Variants in LIN7A observed in about 807,000 individuals in gnomAD.
LIN7A encodes the protein lin-7 cell polarity scaffold A.
LIN7A carries 25 observed loss-of-function variants against 29.8 expected under a neutral mutation model. The observed-to-expected ratio is 0.84, with a 90% confidence interval of 0.61 to 1.17. LIN7A has a LOEUF of 1.17. Among genes scored for constraint, LIN7A ranks in the 50% most tolerant of loss-of-function variants. The probability of loss-of-function intolerance (pLI) is 0.00; values close to 1 mark genes in which losing one functional copy is unlikely to be tolerated. For synonymous variants in LIN7A, 118 were observed against 107.5 expected (o/e 1.10, Z -0.60); for missense variants, 239 against 287.0 (o/e 0.83, Z 1.21).
At chr12:80,838,867 G>C (rs1872691561) in intron 4 of LIN7A, among the ~76,000 whole-genome samples, 1 of 152,186 alleles carries the variant, frequency 6.6e-6, no homozygotes, top group Admixed American at 6.5e-5. Context: ...AGTGGCTTTA[G>C]AGAGTGCTTG....
chr12:80,928,454 A>G (rs1251461124), intron 1 of LIN7A, among the ~76,000 whole-genome samples: 1 of 152,166 alleles, frequency 6.6e-6, no homozygotes, highest in Non-Finnish European at 1.5e-5. Flanking sequence ...TCTGATGACC[A>G]GTGATGACAT....
At chr12:80,884,091 A>G (rs935929884) in intron 2 of LIN7A, among the ~76,000 whole-genome samples, 2 of 152,226 alleles carry the variant, frequency 1.3e-5, no homozygotes, top group Non-Finnish European at 1.5e-5. Context: ...AGCAAATAAA[A>G]TTTGTGACCT....
intron 4 of LIN7A, among the ~76,000 whole-genome samples, chr12:80,836,958 A>C (rs1872612698): frequency 6.6e-6 from 1 of 151,842 alleles, no homozygotes; most frequent in Non-Finnish European, 1.5e-5. Flanking sequence ...TTCTCATCAA[A>C]GACCAGGCAA....
intron 1 of LIN7A, among the ~76,000 whole-genome samples, chr12:80,893,264 C>A (rs1477915851): frequency 6.6e-6 from 1 of 152,132 alleles, no homozygotes; most frequent in Admixed American, 6.5e-5. Context: ...GCAATTAGTG[C>A]TAAGGCGGTC....
intron 2 of LIN7A, among the ~76,000 whole-genome samples, chr12:80,870,273 A>G (rs1224294622): frequency 6.6e-6 from 1 of 152,226 alleles, no homozygotes; most frequent in Non-Finnish European, 1.5e-5. Context: ...AGGGAATTTA[A>G]TAATAAATAT....
chr12:80,879,642 G>GC (rs1019498694), intron 2 of LIN7A, among the ~76,000 whole-genome samples: 8 of 38,352 alleles, frequency 2.1e-4, no homozygotes, highest in Admixed American at 1.4e-3. Flanking sequence ...CTATGGAGCA[G>GC]CCCAAAAAAA....
At chr12:80,842,225 T>C (rs955589608) in intron 4 of LIN7A, 2 of 806,364 alleles carry the variant, frequency 2.5e-6, no homozygotes, top group African/African-American at 1.8e-5. Flanking sequence ...AACCTAACAT[T>C]CCATGTTAAT....
chr12:80,822,675 G>T (rs529347421), intron 4 of LIN7A, among the ~76,000 whole-genome samples: 15 of 152,022 alleles, frequency 9.9e-5, no homozygotes, highest in Admixed American at 2.0e-4. Context: ...TTCAAGATGA[G>T]ATTTGGGTGG....
chr12:80,876,896 C>T (rs912875857), intron 2 of LIN7A, among the ~76,000 whole-genome samples: 5 of 151,722 alleles, frequency 3.3e-5, no homozygotes, highest in East Asian at 1.9e-4. Flanking sequence ...CCGAGGCGGG[C>T]GGATTACCTG....
intron 1 of LIN7A, among the ~76,000 whole-genome samples, chr12:80,906,986 T>G (rs1057040456): frequency 1.3e-5 from 2 of 151,512 alleles, no homozygotes; most frequent in Non-Finnish European, 2.9e-5. Context: ...TTTCAGACAA[T>G]TCAACCAACC....
At position 80,841,474 on chromosome 12, in the gene LIN7A, A is replaced by G. The variant is rs565328339; in HGVS notation, c.483+4256T>C. On this transcript the variant is annotated intron_variant, in intron 4 of 5. Coordinates refer to ENST00000552864, the MANE Select transcript of LIN7A (RefSeq NM_004664.4). Reference sequence around the variant, plus strand: ...AATCTCTTTCTGTGTTCTATACAAGATATTTATATCAGAGCCCCTACAATC... The same window carrying G: ...AATCTCTTTCTGTGTTCTATACAAGGTATTTATATCAGAGCCCCTACAATC... Among the ~76,000 whole-genome samples the G allele has an allele frequency of 3.9e-5, 6 of 152,156 alleles. No homozygotes were observed. In the South Asian group the frequency reaches 1.2e-3, roughly 32 times the overall value.
chr12:80,935,062 T>A (rs1170209929), intron 1 of LIN7A, among the ~76,000 whole-genome samples: 1 of 152,154 alleles, frequency 6.6e-6, no homozygotes, highest in Non-Finnish European at 1.5e-5. Flanking sequence ...CACTAGGAAA[T>A]CACTATATTT....
intron 1 of LIN7A, among the ~76,000 whole-genome samples, chr12:80,908,284 ATGATTCCAACAT>A (rs1377741877): frequency 6.6e-6 from 1 of 152,106 alleles, no homozygotes; most frequent in Non-Finnish European, 1.5e-5. Context: ...AACCGTAAGA[ATGATTCCAACAT>A]TTTCTAAATC....
chr12:80,869,165 T>C (rs1027545692), intron 2 of LIN7A, among the ~76,000 whole-genome samples: 1 of 149,336 alleles, frequency 6.7e-6, no homozygotes, highest in African/African-American at 2.4e-5. Flanking sequence ...TATATATATA[T>C]ATTTATGTGT....
At chr12:80,837,288 A>C (rs1872625523) in intron 4 of LIN7A, among the ~76,000 whole-genome samples, 1 of 152,194 alleles carries the variant, frequency 6.6e-6, no homozygotes, top group Admixed American at 6.5e-5. Flanking sequence ...GAACCTGTAA[A>C]TATTACCTTT....
chr12:80,879,181 A>G (rs544973070), intron 2 of LIN7A, among the ~76,000 whole-genome samples: 136 of 152,168 alleles, frequency 8.9e-4, no homozygotes, highest in African/African-American at 3.0e-3. Context: ...CAGAACCGGA[A>G]GGATCACAGG....
chr12:80,802,666 CTT>C (rs1365745001), intron 5 of LIN7A, among the ~76,000 whole-genome samples: 20 of 140,468 alleles, frequency 1.4e-4, no homozygotes, highest in Admixed American at 2.9e-4. Flanking sequence ...TAAAATTTTA[CTT>C]TTTTTTTTTT....
chr12:80,885,182 T>A (rs1875264312), intron 2 of LIN7A, among the ~76,000 whole-genome samples: 1 of 152,138 alleles, frequency 6.6e-6, no homozygotes, highest in Non-Finnish European at 1.5e-5. Context: ...CTATTTGCAC[T>A]GCAATTCAGT....
chr12:80,857,842 A>C (rs1437054696), intron 2 of LIN7A, among the ~76,000 whole-genome samples: 1 of 152,132 alleles, frequency 6.6e-6, no homozygotes, highest in East Asian at 1.9e-4. Flanking sequence ...CTTTTTCTGA[A>C]ATGATGTTTA....
Sources: allele counts gnomAD v4.1 joint callset (sites outside exome capture counted in the v4.1 genomes callset), GRCh38; gene constraint gnomAD v4.1.1; transcripts MANE v1.5; gene names NCBI Gene and HGNC (gene_info 2026-07-23, HGNC 2026-07-21).